ELMO1: variants seen among roughly 807,000 people sequenced by gnomAD.
The protein encoded by ELMO1 is engulfment and cell motility protein 1.
ELMO1 carries 26 observed loss-of-function variants against 98.9 expected under a neutral mutation model. That is an observed-to-expected ratio of 0.26 (90% CI 0.19 to 0.36). The LOEUF is 0.36. Among genes scored for constraint, ELMO1 ranks in the 10% least tolerant of loss-of-function variants. ELMO1 has a pLI of 1.00. For synonymous variants in ELMO1, 346 were observed against 346.0 expected (o/e 1.00, Z 0.00); for missense variants, 627 against 935.2 (o/e 0.67, Z 4.30).
At chr7:37,181,875 C>A (rs1790882140) in intron 13 of ELMO1, among the ~76,000 whole-genome samples, 1 of 152,036 alleles carries the variant, frequency 6.6e-6, no homozygotes, top group Non-Finnish European at 1.5e-5. Context: ...TTACTGCATC[C>A]CTAGCAAAGG....
At chr7:37,018,994 A>C (rs1794118963) in intron 15 of ELMO1, among the ~76,000 whole-genome samples, 1 of 152,200 alleles carries the variant, frequency 6.6e-6, no homozygotes, top group East Asian at 1.9e-4. Flanking sequence ...ATTCTTGATG[A>C]TATGTCAAAA....
intron 16 of ELMO1, among the ~76,000 whole-genome samples, chr7:36,998,517 G>A (rs1266015234): frequency 1.3e-5 from 2 of 151,804 alleles, no homozygotes; most frequent in Admixed American, 6.6e-5. Flanking sequence ...TAGGTGCATT[G>A]TATACATATA....
At chr7:37,255,900 G>A (rs76680174) in intron 6 of ELMO1, among the ~76,000 whole-genome samples, 15 of 152,312 alleles carry the variant, frequency 9.8e-5, no homozygotes, top group African/African-American at 3.1e-4. Flanking sequence ...GAAGCCGTGG[G>A]GGGTATGTAG....
intron 13 of ELMO1, among the ~76,000 whole-genome samples, chr7:37,198,168 A>G (rs540556846): frequency 7.9e-5 from 12 of 152,310 alleles, no homozygotes; most frequent in African/African-American, 2.9e-4. Flanking sequence ...GAGGGGTATA[A>G]AAGTCCTGCA....
intron 16 of ELMO1, among the ~76,000 whole-genome samples, chr7:36,895,754 G>A (rs562379985): frequency 4.6e-5 from 7 of 152,148 alleles, no homozygotes; most frequent in Admixed American, 2.6e-4. Context: ...CATACAGCAC[G>A]AAAAGACCAG....
At chr7:37,042,588 G>A (rs900193764) in intron 15 of ELMO1, among the ~76,000 whole-genome samples, 9 of 152,168 alleles carry the variant, frequency 5.9e-5, no homozygotes, top group Non-Finnish European at 1.3e-4. Flanking sequence ...TGGAAAAGAT[G>A]CAGGCTCTAT....
chr7:36,886,710 AG>A (rs2129050425), intron 18 of ELMO1, among the ~76,000 whole-genome samples: 1 of 152,374 alleles, frequency 6.6e-6, no homozygotes, highest in Admixed American at 6.5e-5. Context: ...CAAGAGAGCA[AG>A]AAAACAGTCA....
intron 1 of ELMO1, among the ~76,000 whole-genome samples, chr7:37,433,611 G>A (rs1005610215): frequency 6.6e-6 from 1 of 151,950 alleles, no homozygotes; most frequent in Non-Finnish European, 1.5e-5. Flanking sequence ...GGAATTCTGG[G>A]GTCTTATGCT....
chr7:37,176,761 A>T (rs1193397520), intron 13 of ELMO1, among the ~76,000 whole-genome samples: 1 of 152,250 alleles, frequency 6.6e-6, no homozygotes, highest in Non-Finnish European at 1.5e-5. Flanking sequence ...GGAAACATGG[A>T]ACACATTTTC....
At chr7:37,213,547 CA>C in intron 11 of ELMO1, 90 bp from the exon 12 acceptor site, 1 of 1,245,340 alleles carries the variant, frequency 8.0e-7, no homozygotes, top group African/African-American at 1.5e-5. Context: ...TCACAGTCTT[CA>C]CTGGGAGGTA....
intron 16 of ELMO1, among the ~76,000 whole-genome samples, chr7:36,957,645 A>G (rs1788577315): frequency 6.6e-6 from 1 of 151,056 alleles, no homozygotes; most frequent in Admixed American, 6.6e-5. Context: ...GAAAATACAG[A>G]ACCATTGCTG....
intron 15 of ELMO1, among the ~76,000 whole-genome samples, chr7:37,029,044 C>T (rs1353341502): frequency 1.3e-5 from 2 of 152,002 alleles, no homozygotes; most frequent in African/African-American, 4.8e-5. Context: ...AAAAATGAGT[C>T]ACAGAGAGGC....
intron 19 of ELMO1, among the ~76,000 whole-genome samples, chr7:36,871,765 C>T (rs1178196283): frequency 1.3e-5 from 2 of 152,124 alleles, no homozygotes; most frequent in Non-Finnish European, 2.9e-5. Flanking sequence ...TTTCCAGGTA[C>T]CCTAAAATTA....
chr7:37,237,993 T>C (rs1222899674), intron 7 of ELMO1, among the ~76,000 whole-genome samples: 1 of 152,210 alleles, frequency 6.6e-6, no homozygotes, highest in Non-Finnish European at 1.5e-5. Context: ...TCAACTTTAT[T>C]GTTGATCATT....
intron 15 of ELMO1, among the ~76,000 whole-genome samples, chr7:37,046,596 T>TGAAAA (rs1223655805): frequency 1.3e-5 from 2 of 152,068 alleles, no homozygotes. Context: ...ATGAGAATGA[T>TGAAAA]GAAAACAAAA....
At chr7:37,373,166 G>A (rs1223165946) in intron 1 of ELMO1, among the ~76,000 whole-genome samples, 3 of 152,236 alleles carry the variant, frequency 2.0e-5, no homozygotes, top group Non-Finnish European at 2.9e-5. Context: ...CGCTAGCAGA[G>A]GTCGGTTCTG....
intron 13 of ELMO1, among the ~76,000 whole-genome samples, chr7:37,166,503 C>T (rs1243433988): frequency 6.6e-6 from 1 of 152,046 alleles, no homozygotes; most frequent in African/African-American, 2.4e-5. Context: ...CTAAACACTG[C>T]TTTGAATGTG....
intron 16 of ELMO1, among the ~76,000 whole-genome samples, chr7:36,966,912 C>T (rs1257757153): frequency 6.6e-6 from 1 of 152,156 alleles, no homozygotes; most frequent in African/African-American, 2.4e-5. Flanking sequence ...GAGGCTGGCT[C>T]GCTGGCCACT....
At chr7:37,322,528 G>A (rs1799573471) in intron 2 of ELMO1, among the ~76,000 whole-genome samples, 1 of 150,770 alleles carries the variant, frequency 6.6e-6, no homozygotes, top group Non-Finnish European at 1.5e-5. Context: ...GAGGCAGGCA[G>A]AAAAATCGCT....
Sources: allele counts gnomAD v4.1 joint callset (sites outside exome capture counted in the v4.1 genomes callset), GRCh38; gene constraint gnomAD v4.1.1; transcripts MANE v1.5; gene names NCBI Gene and HGNC (gene_info 2026-07-23, HGNC 2026-07-21).